The following RARB variants were observed in gnomAD, a reference collection of about 807,000 sequenced individuals.
The protein encoded by RARB is retinoic acid receptor beta.
A neutral mutation model predicts 51.9 loss-of-function variants in RARB; 17 were observed. That is an observed-to-expected ratio of 0.33 (90% CI 0.22 to 0.49). RARB has a LOEUF of 0.49. Ranked by LOEUF, RARB falls within the 20% of genes least tolerant of loss-of-function variation. The probability of loss-of-function intolerance (pLI) is 0.99; values close to 1 mark genes in which losing one functional copy is unlikely to be tolerated. For missense variants in RARB, 369 were observed against 550.8 expected, an observed-to-expected ratio of 0.67 and a Z score of 3.30; for synonymous variants, 215 against 195.4, an observed-to-expected ratio of 1.10 and a Z score of -0.84.
intron 5 of RARB, among the ~76,000 whole-genome samples, chr3:25,356,647 G>A (rs7646918): frequency 0.81 from 122,587 of 152,028 alleles, 49,705 homozygotes; most frequent in East Asian, 0.99. Flanking sequence ...TATTTCTCCT[G>A]ATGCTGTCAC....
chr3:24,917,950 T>G (rs761005318), intron 2 of RARB, among the ~76,000 whole-genome samples: 13 of 152,206 alleles, frequency 8.5e-5, no homozygotes, highest in Non-Finnish European at 1.9e-4. Flanking sequence ...ACATTGCTGA[T>G]GGAAATGCAA....
At chr3:25,452,134 G>A (rs1351525867) in intron 1 of RARB, among the ~76,000 whole-genome samples, 1 of 152,148 alleles carries the variant, frequency 6.6e-6, no homozygotes, top group African/African-American at 2.4e-5. Context: ...AGATGTGTCG[G>A]CCTGTTAAGT....
chr3:24,933,643 C>A (rs1559401866), intron 2 of RARB, among the ~76,000 whole-genome samples: 1 of 152,058 alleles, frequency 6.6e-6, no homozygotes, highest in African/African-American at 2.4e-5. Context: ...GTTATTACAG[C>A]ACTCAGAGAA....
chr3:25,404,037 A>T (rs1438559114), intron 5 of RARB, among the ~76,000 whole-genome samples: 1 of 151,988 alleles, frequency 6.6e-6, no homozygotes, highest in Non-Finnish European at 1.5e-5. Flanking sequence ...GTTGCTGATA[A>T]GGGAAGAAGA....
rs551985813 is a variant in RARB, at chr3:25,320,123, A to T, written c.179-141070A>T. ...GCGCTGCTAAGGAACCTCTGACCCC[A>T]AAAGTCACCCCAACCTCTACAACAT... On this transcript the variant is annotated intron_variant, in intron 5 of 11. Transcript: ENST00000383772. Among the ~76,000 whole-genome samples, 5 of 151,610 alleles carry T rather than the reference A, an allele frequency of 3.3e-5. No individual in the cohort carries two copies. The South Asian group carries it at 1.0e-3, about 32-fold the overall frequency.
chr3:24,907,305 G>A (rs568595182), intron 2 of RARB, among the ~76,000 whole-genome samples: 48 of 152,304 alleles, frequency 3.2e-4, no homozygotes, highest in African/African-American at 1.1e-3. Flanking sequence ...GGTCTAAAGT[G>A]AGAGCTGAAA....
chr3:24,873,226 A>C (rs1702980238), intron 2 of RARB, among the ~76,000 whole-genome samples: 1 of 152,214 alleles, frequency 6.6e-6, no homozygotes, highest in South Asian at 2.1e-4. Context: ...ATGTCAATGA[A>C]TAGCTTATAA....
chr3:25,583,325 G>A (rs1168148540), intron 5 of RARB, among the ~76,000 whole-genome samples: 2 of 152,240 alleles, frequency 1.3e-5, no homozygotes, highest in Admixed American at 6.5e-5. Flanking sequence ...TGGATAGAGT[G>A]GGACAGAGTA....
intron 1 of RARB, among the ~76,000 whole-genome samples, chr3:25,439,335 A>G (rs1708563401): frequency 6.6e-6 from 1 of 152,224 alleles, no homozygotes; most frequent in Admixed American, 6.5e-5. Context: ...ATTTAGTGAA[A>G]CTTACATGAA....
chr3:25,419,080 C>A (rs1463741049), intron 5 of RARB, among the ~76,000 whole-genome samples: 1 of 151,750 alleles, frequency 6.6e-6, no homozygotes, highest in Non-Finnish European at 1.5e-5. Context: ...GTGAGCAGTC[C>A]TGCAGAAGTA....
intron 5 of RARB, among the ~76,000 whole-genome samples, chr3:25,204,590 C>G (rs991753209): frequency 6.6e-6 from 1 of 152,102 alleles, no homozygotes; most frequent in African/African-American, 2.4e-5. Context: ...TGGTGATGTA[C>G]AGATTGGGTT....
intron 5 of RARB, among the ~76,000 whole-genome samples, chr3:25,240,359 A>G (rs1702401795): frequency 6.6e-6 from 1 of 152,176 alleles, no homozygotes; most frequent in South Asian, 2.1e-4. Flanking sequence ...GACTTCCAGT[A>G]CTATGTTGAA....
intron 3 of RARB, among the ~76,000 whole-genome samples, chr3:25,110,083 A>G (rs1012563314): frequency 6.6e-6 from 1 of 152,122 alleles, no homozygotes; most frequent in Non-Finnish European, 1.5e-5. Context: ...TAAACTCTCC[A>G]GTGTGGTTTC....
intron 2 of RARB, among the ~76,000 whole-genome samples, chr3:25,040,067 G>A (rs1698081650): frequency 1.3e-5 from 2 of 152,174 alleles, no homozygotes; most frequent in African/African-American, 2.4e-5. Flanking sequence ...GCCAGGCCAG[G>A]GGCATTCATG....
chr3:24,890,009 G>A (rs919606764), intron 2 of RARB, among the ~76,000 whole-genome samples: 2 of 151,744 alleles, frequency 1.3e-5, no homozygotes, highest in African/African-American at 4.8e-5. Flanking sequence ...ATTCTAATGC[G>A]ATCAGCAGTA....
intron 3 of RARB, among the ~76,000 whole-genome samples, chr3:25,538,186 C>T (rs1193552966): frequency 6.6e-6 from 1 of 152,094 alleles, no homozygotes; most frequent in East Asian, 1.9e-4. Context: ...TTTAAAATGC[C>T]CAATGCTACT....
intron 5 of RARB, among the ~76,000 whole-genome samples, chr3:25,191,037 A>G (rs1039868464): frequency 6.6e-6 from 1 of 152,188 alleles, no homozygotes; most frequent in Non-Finnish European, 1.5e-5. Context: ...GTAAAAAACA[A>G]AAACAACTCT....
intron 2 of RARB, among the ~76,000 whole-genome samples, chr3:25,024,622 A>T (rs1697703965): frequency 6.6e-6 from 1 of 152,192 alleles, no homozygotes; most frequent in Non-Finnish European, 1.5e-5. Flanking sequence ...AAGCCATTAG[A>T]CAGTTTTTTC....
intron 3 of RARB, among the ~76,000 whole-genome samples, chr3:25,528,370 G>A (rs573493156): frequency 6.6e-5 from 10 of 152,232 alleles, no homozygotes; most frequent in African/African-American, 1.7e-4. Context: ...ATTGTCCTGT[G>A]AAACCCTGTT....
Sources: gnomAD v4.1 joint callset for allele counts (sites outside exome capture counted in the v4.1 genomes callset) on GRCh38, gnomAD v4.1.1 for gene constraint, MANE v1.5 for transcripts, NCBI Gene and HGNC (gene_info 2026-07-23, HGNC 2026-07-21) for gene names.